Variants in CFAP299 observed in about 807,000 individuals in gnomAD.
CFAP299 encodes the protein cilia and flagella associated protein 299, also known as cilia- and flagella-associated protein 299.
CFAP299 carries 21 observed loss-of-function variants against 27.0 expected under a neutral mutation model. That is an observed-to-expected ratio of 0.78 (90% CI 0.55 to 1.12). CFAP299 has a LOEUF of 1.12. CFAP299 is among the 50% of genes most tolerant of loss of function. The pLI is 0.00. For missense variants in CFAP299, 310 were observed against 276.6 expected (o/e 1.12, Z -0.86); for synonymous variants, 104 against 98.1 (o/e 1.06, Z -0.36).
intron 3 of CFAP299, among the ~76,000 whole-genome samples, chr4:80,694,027 T>G (rs1720931509): frequency 6.6e-6 from 1 of 152,176 alleles, no homozygotes; most frequent in African/African-American, 2.4e-5. Flanking sequence ...GTGAAAAATC[T>G]TCTCTTTGTA....
chr4:80,934,588 T>C (rs1426994691), intron 4 of CFAP299, among the ~76,000 whole-genome samples: 1 of 152,066 alleles, frequency 6.6e-6, no homozygotes, highest in Admixed American at 6.6e-5. Context: ...TATTTGTCTG[T>C]TTAGATTTTC....
At chr4:80,477,005 G>T (rs1730314087) in intron 2 of CFAP299, among the ~76,000 whole-genome samples, 1 of 151,532 alleles carries the variant, frequency 6.6e-6, no homozygotes, top group Non-Finnish European at 1.5e-5. Context: ...TTTCCTCCCA[G>T]CTTTGAAAAT....
At chr4:80,543,208 C>G (rs1326550262) in intron 2 of CFAP299, among the ~76,000 whole-genome samples, 1 of 152,172 alleles carries the variant, frequency 6.6e-6, no homozygotes. Context: ...AAAGCCCTAT[C>G]CAAAGGACAG....
intron 2 of CFAP299, among the ~76,000 whole-genome samples, chr4:80,393,642 G>A (rs1254715769): frequency 6.6e-6 from 1 of 152,102 alleles, no homozygotes; most frequent in Non-Finnish European, 1.5e-5. Context: ...CATGTTTTTA[G>A]CCTAGGGGTA....
chr4:80,568,077 A>G (rs964028848), intron 2 of CFAP299, among the ~76,000 whole-genome samples: 1 of 151,854 alleles, frequency 6.6e-6, no homozygotes, highest in Admixed American at 6.6e-5. Flanking sequence ...AAATTTTTAA[A>G]AAACAATAAT....
chr4:80,905,568 G>T (rs1178983366), intron 4 of CFAP299, among the ~76,000 whole-genome samples: 3 of 152,092 alleles, frequency 2.0e-5, no homozygotes, highest in African/African-American at 7.2e-5. Flanking sequence ...ATAAAGAACT[G>T]CCCAAGACAG....
chr4:80,534,199 G>C (rs1328731615), intron 2 of CFAP299, among the ~76,000 whole-genome samples: 1 of 149,778 alleles, frequency 6.7e-6, no homozygotes, highest in Non-Finnish European at 1.5e-5. Context: ...TTCTATCTTT[G>C]ATAAAATCAA....
intron 2 of CFAP299, among the ~76,000 whole-genome samples, chr4:80,418,759 A>G (rs1727145081): frequency 6.6e-6 from 1 of 152,132 alleles, no homozygotes; most frequent in South Asian, 2.1e-4. Context: ...GTCCGTACGT[A>G]TTGGGCTTAT....
intron 2 of CFAP299, chr4:80,387,139 C>T (rs1389200908): frequency 3.6e-6 from 5 of 1,405,626 alleles, no homozygotes; most frequent in Non-Finnish European, 5.0e-6. Flanking sequence ...GTTTGACACA[C>T]TTGTAGACGG....
intron 3 of CFAP299, among the ~76,000 whole-genome samples, chr4:80,655,253 A>G (rs1410723330): frequency 6.6e-6 from 1 of 152,288 alleles, no homozygotes; most frequent in African/African-American, 2.4e-5. Context: ...CCAGTAATCT[A>G]ATTTCTGGCT....
chr4:80,876,553 C>T (rs60291947), intron 4 of CFAP299, among the ~76,000 whole-genome samples: 1,646 of 152,192 alleles, frequency 0.011, 25 homozygotes, highest in African/African-American at 0.037. Context: ...TGGGTGTTTC[C>T]TTATAGCAAT....
chr4:80,879,729 T>C (rs1016291605), intron 4 of CFAP299, among the ~76,000 whole-genome samples: 3 of 152,244 alleles, frequency 2.0e-5, no homozygotes, highest in Admixed American at 2.0e-4. Context: ...CTTTACAATC[T>C]GTTAACATGT....
chr4:80,904,215 G>A (rs1735070490), intron 4 of CFAP299, among the ~76,000 whole-genome samples: 2 of 152,182 alleles, frequency 1.3e-5, no homozygotes, highest in Non-Finnish European at 2.9e-5. Flanking sequence ...CCGTATTAGA[G>A]GGATTAACAT....
intron 1 of CFAP299, among the ~76,000 whole-genome samples, chr4:80,358,141 A>G (rs528190599): frequency 3.3e-5 from 5 of 151,792 alleles, no homozygotes; most frequent in Non-Finnish European, 5.9e-5. Flanking sequence ...CCTGTAATTT[A>G]TGGTTTTGAT....
Position 80,809,605 on chromosome 4 carries a change from C to A in CFAP299, c.334-60388C>A, listed in dbSNP as rs138271224. On this transcript the variant is annotated intron_variant, in intron 3 of 5. Coordinates refer to ENST00000358105, the MANE Select transcript of CFAP299 (RefSeq NM_152770.3). ...GACTATTTGTTGCAAAGGCTTTTTG[C>A]TGCAGAAGCCTCAAATCCACATTCT... is the stretch of plus-strand genomic sequence containing the variant. Among the ~76,000 whole-genome samples, 10 of 152,182 alleles carry A rather than the reference C, an allele frequency of 6.6e-5. No homozygotes were observed. The East Asian group carries it at 1.7e-3, about 26-fold the overall frequency.
chr4:80,837,432 C>T lies in CFAP299; in HGVS notation c.334-32561C>T, dbSNP rs576875950. 2.8e-4 allele frequency among the ~76,000 whole-genome samples: 42 copies of T among 152,240 alleles called. No homozygotes were observed. The East Asian group carries it at 4.2e-3, about 15-fold the overall frequency. On this transcript the variant is annotated intron_variant, in intron 3 of 5. Transcript: ENST00000358105. ...TTATTTCTCCTAATGCTATCCTTCC[C>T]GTAGCCCCCCAACCCCCGACAGGCC... is the stretch of plus-strand genomic sequence containing the variant.
intron 3 of CFAP299, among the ~76,000 whole-genome samples, chr4:80,831,266 T>C (rs527985440): frequency 6.6e-6 from 1 of 152,252 alleles, no homozygotes; most frequent in Non-Finnish European, 1.5e-5. Context: ...TTTTACTGTC[T>C]CTCAAGTTAA....
intron 2 of CFAP299, among the ~76,000 whole-genome samples, chr4:80,441,397 C>T (rs1367508540): frequency 1.3e-5 from 2 of 152,178 alleles, no homozygotes; most frequent in South Asian, 2.1e-4. Context: ...TGGGGGCCAA[C>T]ATTCAACATT....
intron 3 of CFAP299, among the ~76,000 whole-genome samples, chr4:80,859,955 C>G (rs906927321): frequency 6.6e-6 from 1 of 152,060 alleles, no homozygotes; most frequent in African/African-American, 2.4e-5. Context: ...TGAATGTTGG[C>G]CTGTCTTGCT....
Sources: allele counts gnomAD v4.1 joint callset (sites outside exome capture counted in the v4.1 genomes callset), GRCh38; gene constraint gnomAD v4.1.1; transcripts MANE v1.5; gene names NCBI Gene and HGNC (gene_info 2026-07-23, HGNC 2026-07-21).